PTPRN2: variants seen among roughly 807,000 people sequenced by gnomAD.
PTPRN2 encodes receptor-type tyrosine-protein phosphatase N2.
In PTPRN2, 74 loss-of-function variants were observed where a neutral mutation model predicts 118.8. The ratio of observed to expected loss-of-function variants is 0.62; its 90% CI spans 0.52 to 0.76. The LOEUF (loss-of-function observed/expected upper bound fraction) is 0.76, where lower values mean the gene tolerates loss of function less well. Among genes scored for constraint, PTPRN2 ranks in the 30% least tolerant of loss-of-function variants. PTPRN2 has a pLI of 0.00. For synonymous variants in PTPRN2, 641 were observed against 608.0 expected (o/e 1.05, Z -0.80); for missense variants, 1,481 against 1,394.4 (o/e 1.06, Z -0.99).
At chr7:158,217,364 G>GA (rs1828027339) in intron 3 of PTPRN2, among the ~76,000 whole-genome samples, 1 of 152,142 alleles carries the variant, frequency 6.6e-6, no homozygotes, top group African/African-American at 2.4e-5. Flanking sequence ...TCGGCCCTAT[G>GA]AAAAAATTCA....
intron 2 of PTPRN2, among the ~76,000 whole-genome samples, chr7:158,352,536 G>A (rs575879131): frequency 6.4e-4 from 97 of 152,316 alleles, no homozygotes; most frequent in Non-Finnish European, 9.3e-4. Context: ...TGCTGCAGCC[G>A]ATTCGTGGCT....
chr7:158,262,396 C>G (rs1230104332), intron 3 of PTPRN2, among the ~76,000 whole-genome samples: 1 of 148,196 alleles, frequency 6.7e-6, no homozygotes, highest in East Asian at 2.0e-4. Context: ...TTCACACACA[C>G]TGCACACACA....
At chr7:158,241,617 C>G (rs1313029818) in intron 3 of PTPRN2, among the ~76,000 whole-genome samples, 1 of 152,218 alleles carries the variant, frequency 6.6e-6, no homozygotes, top group East Asian at 1.9e-4. Context: ...CACCCAAATT[C>G]AGCTCTGAAG....
In PTPRN2 at chr7:158,262,900, GCAAA is replaced by G. The variant is rs528338675; in HGVS notation, c.277+53915_277+53918del. Among the ~76,000 whole-genome samples the G allele has an allele frequency of 2.2e-3, 279 of 127,476 alleles. 3 individuals are homozygous for G. The highest frequency in any genetic ancestry group is 1.7e-3 in the Non-Finnish European group (104 of 62,580). 83.6% of individuals were successfully genotyped at this position (127,476 alleles called of 152,430 possible). A position where few individuals can be genotyped will look rare whatever the true frequency, so the allele number is the denominator to read the frequency against. On this transcript the variant is annotated intron_variant, in intron 3 of 22. Coordinates refer to ENST00000389418, the MANE Select transcript of PTPRN2 (RefSeq NM_002847.5). ...GCACACACATACATTCACACACACTGCAAACATTCACACTGCACACACATTCACA... is the reference window on the plus strand; with the variant it reads ...GCACACACATACATTCACACACACTGCATTCACACTGCACACACATTCACA...
chr7:157,554,329 C>T (rs1305048332), intron 21 of PTPRN2, among the ~76,000 whole-genome samples: 1 of 118,104 alleles, frequency 8.5e-6, no homozygotes, highest in African/African-American at 3.4e-5. Context: ...CGCTCTCGTG[C>T]CCTCCTGGGC....
chr7:158,176,852 T>C (rs149175764), intron 5 of PTPRN2, among the ~76,000 whole-genome samples: 502 of 152,360 alleles, frequency 3.3e-3, no homozygotes, highest in Non-Finnish European at 5.0e-3. Flanking sequence ...GCATCCAACA[T>C]GTGGAGGCCA....
chr7:157,661,553 C>T (rs1795891411), intron 13 of PTPRN2, among the ~76,000 whole-genome samples: 1 of 152,244 alleles, frequency 6.6e-6, no homozygotes, highest in Admixed American at 6.5e-5. Flanking sequence ...CTCAGGCAAA[C>T]ATCTGAGCAG....
intron 6 of PTPRN2, among the ~76,000 whole-genome samples, chr7:158,151,971 A>C (rs1298094378): frequency 2.6e-5 from 4 of 152,078 alleles, no homozygotes; most frequent in Non-Finnish European, 4.4e-5. Context: ...CAGGAGATCA[A>C]GACCATCCTG....
At chr7:158,130,480 C>A (rs1389519333) in intron 9 of PTPRN2, among the ~76,000 whole-genome samples, 1 of 148,176 alleles carries the variant, frequency 6.7e-6, no homozygotes, top group Non-Finnish European at 1.5e-5. Context: ...TACACACATG[C>A]ACATATGCAC....
intron 10 of PTPRN2, among the ~76,000 whole-genome samples, chr7:158,082,100 A>T (rs1252066601): frequency 1.3e-5 from 2 of 152,140 alleles, no homozygotes; most frequent in Non-Finnish European, 2.9e-5. Flanking sequence ...CCTGGAACAG[A>T]CCCCTTAAAT....
rs148055555 is a variant in PTPRN2 at position 158,471,872 on chromosome 7, G to A, written c.163+17863C>T. 7.5e-4 allele frequency among the ~76,000 whole-genome samples: 114 copies of A among 152,342 alleles called. 1 individual carries two copies. Among genetic ancestry groups the A allele is most frequent in the Middle Eastern group, 6.8e-3 (2 of 294 alleles). ...CCAGGGCCCCTCTCAGGCTGGGTGC[G>A]TGTCTGTTGCCCGTTCTGTCGGCTG... is the stretch of plus-strand genomic sequence containing the variant. On this transcript the variant is annotated intron_variant, in intron 2 of 22. Coordinates refer to ENST00000389418, the MANE Select transcript of PTPRN2 (RefSeq NM_002847.5).
intron 2 of PTPRN2, among the ~76,000 whole-genome samples, chr7:158,408,721 C>T (rs1563256977): frequency 6.6e-6 from 1 of 152,154 alleles, no homozygotes; most frequent in African/African-American, 2.4e-5. Flanking sequence ...CCTTCGTGAC[C>T]GGACTACAGC....
intron 3 of PTPRN2, among the ~76,000 whole-genome samples, chr7:158,262,719 TGC>T (rs1470676411): frequency 7.3e-6 from 1 of 136,366 alleles, no homozygotes; most frequent in African/African-American, 2.8e-5. Context: ...TCACACACAT[TGC>T]GCACACATAC....
chr7:157,713,070 G>A (rs970589718), intron 12 of PTPRN2, among the ~76,000 whole-genome samples: 1 of 152,220 alleles, frequency 6.6e-6, no homozygotes, highest in Non-Finnish European at 1.5e-5. Context: ...TGTTCTGGGT[G>A]AGCCATGCGC....
rs1015726856 is a variant in PTPRN2 at position 158,087,873 on chromosome 7, A to T, written c.1644-6496T>A. ...TCCCCTGATGAAGGAGGGAGTCTTC[A>T]CACAAACCTTCTTCCCCTGATGAAA... On this transcript the variant is annotated intron_variant, in intron 10 of 22. Transcript: ENST00000389418. Among the ~76,000 whole-genome samples, 99 of 68,652 alleles carry T rather than the reference A, an allele frequency of 1.4e-3. 1 individual carries two copies. Among genetic ancestry groups the T allele is most frequent in the South Asian group, 3.4e-3 (3 of 884 alleles). 45.0% of individuals were successfully genotyped at this position (68,652 alleles called of 152,430 possible).
At position 157,618,959 on chromosome 7, in the gene PTPRN2, C is replaced by T. The variant is rs1047229436; in HGVS notation, c.2344+2403G>A. Among the ~76,000 whole-genome samples the T allele has an allele frequency of 3.3e-5, 5 of 152,100 alleles. No individual in the cohort carries two copies. The highest frequency in any genetic ancestry group is 1.2e-4 in the African/African-American group (5 of 41,412). On this transcript the variant is annotated intron_variant, in intron 15 of 22. Coordinates refer to ENST00000389418, the MANE Select transcript of PTPRN2 (RefSeq NM_002847.5). The surrounding 1 kb of genome is among the most constrained non-coding windows in gnomAD (Gnocchi z 4.2). Reference sequence around the variant, plus strand: ...CTCGGGAGGGAGGTGCTTTCCCCCTCACCCGTCACCTGGCTCAGAATGGGC... The same window carrying T: ...CTCGGGAGGGAGGTGCTTTCCCCCTTACCCGTCACCTGGCTCAGAATGGGC...
intron 2 of PTPRN2, among the ~76,000 whole-genome samples, chr7:158,334,408 G>T (rs867824146): frequency 3.2e-4 from 2 of 6,250 alleles, no homozygotes; most frequent in Admixed American, 1.1e-3. Context: ...ACCATAAGAG[G>T]TGAAACCTGC....
At chr7:158,238,510 C>T (rs1359360129) in intron 3 of PTPRN2, among the ~76,000 whole-genome samples, 1 of 152,178 alleles carries the variant, frequency 6.6e-6, no homozygotes, top group Non-Finnish European at 1.5e-5. Context: ...GCCACATTCA[C>T]GGTTTCTGTA....
intron 14 of PTPRN2, among the ~76,000 whole-genome samples, chr7:157,646,580 G>T (rs1805087871): frequency 6.6e-6 from 1 of 152,140 alleles, no homozygotes; most frequent in East Asian, 1.9e-4. Flanking sequence ...ATGAACCCGG[G>T]TCTAATTAAC....
Sources: allele counts gnomAD v4.1 joint callset (sites outside exome capture counted in the v4.1 genomes callset), GRCh38; gene constraint gnomAD v4.1.1; non-coding constraint Gnocchi (gnomAD v3.1); transcripts MANE v1.5; gene names NCBI Gene and HGNC (gene_info 2026-07-23, HGNC 2026-07-21).